The following MACROD2 variants were observed in gnomAD, a reference collection of about 807,000 sequenced individuals.
MACROD2 encodes the protein mono-ADP ribosylhydrolase 2.
In MACROD2, 36 loss-of-function variants were observed where a neutral mutation model predicts 70.4. The ratio of observed to expected loss-of-function variants is 0.51; its 90% CI spans 0.39 to 0.68. The LOEUF (loss-of-function observed/expected upper bound fraction) is 0.68. Ranked by LOEUF, MACROD2 falls within the 30% of genes least tolerant of loss-of-function variation. MACROD2 has a pLI of 0.00. For missense variants in MACROD2, 496 were observed against 538.4 expected (o/e 0.92, Z 0.78); for synonymous variants, 172 against 178.8 (o/e 0.96, Z 0.30).
At chr20:15,124,082 CATTAA>C (rs1213847880) in intron 5 of MACROD2, among the ~76,000 whole-genome samples, 1 of 152,062 alleles carries the variant, frequency 6.6e-6, no homozygotes, top group Admixed American at 6.6e-5. Flanking sequence ...ACTGAATTGT[CATTAA>C]ATTGTCTTCT....
chr20:14,712,426 G>A (rs145768185), intron 5 of MACROD2, among the ~76,000 whole-genome samples: 2 of 152,212 alleles, frequency 1.3e-5, no homozygotes, highest in South Asian at 2.1e-4. Flanking sequence ...TAGATACCGC[G>A]GGTTGGAACA....
intron 3 of MACROD2, among the ~76,000 whole-genome samples, chr20:14,337,239 T>A (rs1601503787): frequency 6.6e-6 from 1 of 152,216 alleles, no homozygotes; most frequent in Non-Finnish European, 1.5e-5. Context: ...GCCATGATAG[T>A]GAAATTTTTC....
chr20:15,108,324 G>A (rs2075927613), intron 5 of MACROD2, among the ~76,000 whole-genome samples: 2 of 152,160 alleles, frequency 1.3e-5, no homozygotes, highest in South Asian at 4.1e-4. Flanking sequence ...ACTTTGACAA[G>A]CATTAATAGA....
At chr20:14,978,977 G>T (rs1453268529) in intron 5 of MACROD2, among the ~76,000 whole-genome samples, 2 of 145,540 alleles carry the variant, frequency 1.4e-5, no homozygotes, top group South Asian at 4.3e-4. Context: ...AAGAGACAGG[G>T]CCTTTGCTCT....
chr20:14,919,143 C>G (rs1456462957), intron 5 of MACROD2, among the ~76,000 whole-genome samples: 1 of 152,090 alleles, frequency 6.6e-6, no homozygotes, highest in Non-Finnish European at 1.5e-5. Flanking sequence ...AGATGGATAC[C>G]GTCACTTTTC....
intron 15 of MACROD2, among the ~76,000 whole-genome samples, chr20:16,020,799 A>G (rs11908345): frequency 0.037 from 5,572 of 152,028 alleles, 284 homozygotes; most frequent in East Asian, 0.16. Context: ...CATGGACAGA[A>G]AGTTAACTCA....
intron 3 of MACROD2, among the ~76,000 whole-genome samples, chr20:14,365,061 G>A (rs1299769251): frequency 6.6e-6 from 1 of 152,132 alleles, no homozygotes; most frequent in Admixed American, 6.6e-5. Context: ...TCATCTAAAT[G>A]TTAAATTCTT....
chr20:14,112,088 T>A (rs567050937), intron 3 of MACROD2, among the ~76,000 whole-genome samples: 2 of 152,038 alleles, frequency 1.3e-5, no homozygotes, highest in African/African-American at 4.8e-5. Flanking sequence ...GAAATCGTTA[T>A]ATTAAATGAA....
At chr20:15,067,222 T>C (rs1315976133) in intron 5 of MACROD2, among the ~76,000 whole-genome samples, 6 of 152,204 alleles carry the variant, frequency 3.9e-5, no homozygotes, top group Non-Finnish European at 8.8e-5. Flanking sequence ...ATTACACTAT[T>C]TTAAATTTTC....
intron 4 of MACROD2, among the ~76,000 whole-genome samples, chr20:14,593,430 A>G (rs1298088633): frequency 6.6e-6 from 1 of 152,198 alleles, no homozygotes; most frequent in Non-Finnish European, 1.5e-5. Flanking sequence ...TAGCATACTC[A>G]GTAGTTTGGA....
intron 2 of MACROD2, among the ~76,000 whole-genome samples, chr20:14,060,682 C>G (rs570489009): frequency 5.3e-4 from 80 of 152,164 alleles, no homozygotes; most frequent in African/African-American, 1.9e-3. Flanking sequence ...AGTGCCAGTC[C>G]ACTTATGCTA....
At chr20:16,024,572 A>G (rs2147562441) in intron 15 of MACROD2, among the ~76,000 whole-genome samples, 1 of 152,084 alleles carries the variant, frequency 6.6e-6, no homozygotes, top group South Asian at 2.1e-4. Context: ...GCCTCTTTGT[A>G]ATGGAGGACA....
Position 15,649,922 on chromosome 20 carries a change from T to C in MACROD2, c.645+150075T>C, listed in dbSNP as rs932215157. ...AATAGTTTCATATCTTTTGTAATTCTTAATTATGGTATACATAAATAGACT... is the reference window on the plus strand; with the variant it reads ...AATAGTTTCATATCTTTTGTAATTCCTAATTATGGTATACATAAATAGACT... On this transcript the variant is annotated intron_variant, in intron 8 of 17. Coordinates refer to ENST00000684519, the MANE Select transcript of MACROD2 (RefSeq NM_001351661.2). Among the ~76,000 whole-genome samples the C allele has an allele frequency of 3.3e-5, 5 of 152,236 alleles. No homozygotes were observed. The East Asian group carries it at 9.6e-4, about 29-fold the overall frequency.
At chr20:15,181,406 A>G (rs2145902672) in intron 5 of MACROD2, among the ~76,000 whole-genome samples, 1 of 152,328 alleles carries the variant, frequency 6.6e-6, no homozygotes, top group Non-Finnish European at 1.5e-5. Context: ...AGGTTGAGAG[A>G]CAGGACCATA....
At chr20:15,477,951 A>G (rs563592287) in intron 7 of MACROD2, among the ~76,000 whole-genome samples, 1 of 152,300 alleles carries the variant, frequency 6.6e-6, no homozygotes, top group African/African-American at 2.4e-5. Flanking sequence ...ACGTGAGGAA[A>G]AAGCCATGAG....
intron 8 of MACROD2, among the ~76,000 whole-genome samples, chr20:15,650,965 A>C (rs185551035): frequency 8.4e-4 from 128 of 152,330 alleles, no homozygotes; most frequent in Non-Finnish European, 1.6e-3. Context: ...TGCTCTTGGC[A>C]TAATCTCTTC....
chr20:14,879,886 G>A (rs566480382), intron 5 of MACROD2, among the ~76,000 whole-genome samples: 1 of 152,268 alleles, frequency 6.6e-6, no homozygotes, highest in East Asian at 1.9e-4. Context: ...GTTGTTGAAA[G>A]TCATTTTTAA....
chr20:14,374,277 A>G (rs1204770418), intron 3 of MACROD2, among the ~76,000 whole-genome samples: 1 of 152,196 alleles, frequency 6.6e-6, no homozygotes, highest in Non-Finnish European at 1.5e-5. Context: ...AAGCCTCAGT[A>G]CAAATGACCC....
chr20:15,535,570 AC>A (rs1283418699), intron 8 of MACROD2, among the ~76,000 whole-genome samples: 1 of 152,208 alleles, frequency 6.6e-6, no homozygotes, highest in Non-Finnish European at 1.5e-5. Context: ...AGATTATTAT[AC>A]TGAGAGCTTC....
Sources: gnomAD v4.1 joint callset for allele counts (sites outside exome capture counted in the v4.1 genomes callset) on GRCh38, gnomAD v4.1.1 for gene constraint, MANE v1.5 for transcripts, NCBI Gene and HGNC (gene_info 2026-07-23, HGNC 2026-07-21) for gene names.